The following PHKA2 variants were observed in gnomAD, a reference collection of about 807,000 sequenced individuals.
PHKA2 encodes phosphorylase b kinase regulatory subunit alpha, liver isoform.
Under a neutral mutation model 102.0 loss-of-function variants are expected in PHKA2, and 31 were observed. The ratio of observed to expected loss-of-function variants is 0.30; its 90% CI spans 0.23 to 0.41. The LOEUF is 0.41. Among genes scored for constraint, PHKA2 ranks in the 10% least tolerant of loss-of-function variants. The pLI is 1.00. For missense variants in PHKA2, 858 were observed against 1,023.1 expected, an observed-to-expected ratio of 0.84 and a Z score of 2.20; for synonymous variants, 455 against 416.2, an observed-to-expected ratio of 1.09 and a Z score of -1.13.
At chrX:18,945,451 A>G (rs1219791157) in intron 5 of PHKA2, among the ~76,000 whole-genome samples, 3 of 112,604 alleles carry the variant, frequency 2.7e-5, no homozygotes, top group African/African-American at 9.7e-5. Context: ...TGTATGGAGA[A>G]CAAAATATTT....
At position 18,899,128 on chromosome X, in the gene PHKA2, C is replaced by T. The variant is rs370564305; in HGVS notation, c.3111+45G>A. The T allele has an allele frequency of 1.9e-4, 210 of 1,108,035 alleles. 1 individual carries two copies. The highest frequency in any genetic ancestry group is 7.3e-4 in the Middle Eastern group (3 of 4,100). 91.3% of individuals were successfully genotyped at this position (1,108,035 alleles called of 1,213,427 possible). A position where few individuals can be genotyped will look rare whatever the true frequency, so the allele number is the denominator to read the frequency against. Reference sequence around the variant, plus strand: ...TGAGGTGGGAGCATGAGGAAGGACGCGAGGAGGAGCGGGGACGGACACAAT... The same window carrying T: ...TGAGGTGGGAGCATGAGGAAGGACGTGAGGAGGAGCGGGGACGGACACAAT... On this transcript the variant is annotated intron_variant, in intron 29 of 32. Coordinates refer to ENST00000379942, the MANE Select transcript of PHKA2 (RefSeq NM_000292.3).
chrX:18,935,255 A>C (rs928556892), intron 11 of PHKA2, among the ~76,000 whole-genome samples: 5 of 112,345 alleles, frequency 4.5e-5, no homozygotes, highest in African/African-American at 1.6e-4. Flanking sequence ...AATTTAGGAA[A>C]CTTGATAGAA....
intron 19 of PHKA2, among the ~76,000 whole-genome samples, chrX:18,914,648 C>T (rs775279110): frequency 8.9e-6 from 1 of 112,112 alleles, no homozygotes; most frequent in Non-Finnish European, 1.9e-5. Context: ...TGGAGGGTCT[C>T]TCAGAAGAGG....
At chrX:18,964,518 T>C (rs2048912580) in intron 1 of PHKA2, among the ~76,000 whole-genome samples, 1 of 112,515 alleles carries the variant, frequency 8.9e-6, no homozygotes, top group Admixed American at 9.4e-5. Flanking sequence ...AAAGACATGA[T>C]TTCTTACCAC....
intron 16 of PHKA2, 122 bp downstream of exon 16, chrX:18,924,259 A>G (rs1042602856): frequency 4.0e-5 from 38 of 954,963 alleles, no homozygotes; most frequent in Non-Finnish European, 5.3e-5. Flanking sequence ...CGAGATAAGA[A>G]ACCAAACTGC....
intron 30 of PHKA2, chrX:18,895,516 G>A: frequency 3.4e-6 from 1 of 295,697 alleles, no homozygotes; most frequent in South Asian, 5.4e-5. Flanking sequence ...CCCCTTTGGT[G>A]CCATAATAAA....
Position 18,918,741 on chromosome X carries a change from T to C in PHKA2, c.2077A>G (p.Ile693Val), listed in dbSNP as rs143732206. Residue 693 changes from isoleucine to valine, a missense_variant, in exon 19 of 33, where the codon ATC becomes GTC. Ile to Val is a conservative substitution (Grantham distance 29). Coordinates refer to ENST00000379942, the MANE Select transcript of PHKA2 (RefSeq NM_000292.3). ...NTEDRHVFSA[I>V]HSTRDILSVM... Reference sequence around the variant, plus strand: ...GAAAGTATGTCCCGCGTGGAGTGGATAGCACTGAAGACATGGCGGTCTTCT... The same window carrying C: ...GAAAGTATGTCCCGCGTGGAGTGGACAGCACTGAAGACATGGCGGTCTTCT... 9.7e-3 allele frequency: 11,754 copies of C among 1,208,559 alleles called. 45 individuals carry two copies. Among genetic ancestry groups the C allele is most frequent in the Middle Eastern group, 0.026 (115 of 4,347 alleles).
In PHKA2 at chrX:18,901,512, A is replaced by G. The variant is rs753304402; in HGVS notation, c.3000T>C (p.Ile1000=). 4 of 1,192,404 alleles carry G rather than the reference A, an allele frequency of 3.4e-6. No individual in the cohort carries two copies. The highest frequency in any genetic ancestry group is 4.5e-6 in the Non-Finnish European group (4 of 879,394). Residue 1000 remains isoleucine, a synonymous_variant, in exon 27 of 33, where the codon ATT becomes ATC. Coordinates refer to ENST00000379942, the MANE Select transcript of PHKA2 (RefSeq NM_000292.3). ...GTTTCATTTCACTCCTCAGTCTGTT[A>G]ATGCCACTCCTCTCAGTTTTGGTGA... ...TGVTKTERSG[I]NRLRSEMKQM...
chrX:18,963,383 A>G (rs941800118), intron 1 of PHKA2, among the ~76,000 whole-genome samples: 1 of 112,000 alleles, frequency 8.9e-6, no homozygotes, highest in Admixed American at 9.4e-5. Context: ...CTAGAAGACT[A>G]TCACCTGCAG....
intron 4 of PHKA2, 96 bp from the exon 5 acceptor site, chrX:18,948,922 C>A: frequency 1.7e-6 from 1 of 602,524 alleles, no homozygotes; most frequent in Non-Finnish European, 2.8e-6. Flanking sequence ...CCCTTTTACC[C>A]TCATTTTCAT....
At chrX:18,895,081 T>A (rs2047512077) in intron 31 of PHKA2, 57 bp downstream of exon 31, 2 of 1,076,826 alleles carry the variant, frequency 1.9e-6, no homozygotes, top group African/African-American at 3.7e-5. Flanking sequence ...GTCCATGCAA[T>A]GAAGCCCTTA....
At chrX:18,916,638 T>G (rs1601724955) in intron 19 of PHKA2, among the ~76,000 whole-genome samples, 1 of 111,037 alleles carries the variant, frequency 9.0e-6, no homozygotes, top group African/African-American at 3.3e-5. Flanking sequence ...TGAGATCTGG[T>G]TGTTCAAAAG....
At chrX:18,922,547 G>A (rs2048140577) in intron 17 of PHKA2, among the ~76,000 whole-genome samples, 1 of 111,571 alleles carries the variant, frequency 9.0e-6, no homozygotes, top group African/African-American at 3.3e-5. Flanking sequence ...AATCGCTCAA[G>A]GCCAGGGTTA....
chrX:18,982,166 G>C (rs2049178680), intron 1 of PHKA2, among the ~76,000 whole-genome samples: 1 of 111,647 alleles, frequency 9.0e-6, no homozygotes, highest in Admixed American at 9.5e-5. Flanking sequence ...TCTCTTCCAG[G>C]ACTCCTCTAC....
intron 2 of PHKA2, among the ~76,000 whole-genome samples, chrX:18,953,990 A>C (rs763973297): frequency 9.0e-6 from 1 of 111,423 alleles, no homozygotes; most frequent in African/African-American, 3.3e-5. Context: ...CATCTCAAAA[A>C]AAAAAGAAAT....
intron 10 of PHKA2, among the ~76,000 whole-genome samples, chrX:18,937,291 G>A (rs1736418123): frequency 9.0e-6 from 1 of 110,813 alleles, no homozygotes; most frequent in Non-Finnish European, 1.9e-5. Context: ...TCAGCACAGA[G>A]CATGGTACCA....
chrX:18,892,430 C>G lies in PHKA2; in HGVS notation c.*1055G>C, dbSNP rs1290802073. The G allele has an allele frequency of 8.9e-6, 1 of 112,918 alleles. No individual in the cohort carries two copies. The highest frequency in any genetic ancestry group is 1.9e-5 in the Non-Finnish European group (1 of 53,381). The allele number at this position is 112,918 out of a possible 1,213,427, so 9.3% of individuals were successfully genotyped here. On this transcript the variant is annotated 3_prime_UTR_variant, in exon 33 of 33. Transcript: ENST00000379942. ...GGCATTGGCAAAAGATTTGCCAGACCCTGACACCTGACTCAACCTTGCTCT... is the reference window on the plus strand; with the variant it reads ...GGCATTGGCAAAAGATTTGCCAGACGCTGACACCTGACTCAACCTTGCTCT...
intron 1 of PHKA2, among the ~76,000 whole-genome samples, chrX:18,957,187 A>G (rs1169245687): frequency 8.9e-6 from 1 of 112,675 alleles, no homozygotes; most frequent in Non-Finnish European, 1.9e-5. Flanking sequence ...TACAGGCAAG[A>G]GCCACCGCAC....
At chrX:18,969,218 G>C (rs899810670) in intron 1 of PHKA2, among the ~76,000 whole-genome samples, 17 of 111,199 alleles carry the variant, frequency 1.5e-4, no homozygotes, top group African/African-American at 5.6e-4. Flanking sequence ...GCAGCAATAG[G>C]CTCACTTTGC....
Sources: gnomAD v4.1 joint callset for allele counts (sites outside exome capture counted in the v4.1 genomes callset) on GRCh38, gnomAD v4.1.1 for gene constraint, MANE v1.5 for transcripts, NCBI Gene and HGNC (gene_info 2026-07-23, HGNC 2026-07-21) for gene names.